Variants in CUL2 observed in about 807,000 individuals in gnomAD.
CUL2 encodes the protein cullin-2.
In CUL2, 22 loss-of-function variants were observed where a neutral mutation model predicts 110.2. The observed-to-expected ratio is 0.20, with a 90% CI of 0.14 to 0.28. The LOEUF is 0.28. Among genes scored for constraint, CUL2 ranks in the 10% least tolerant of loss-of-function variants. The pLI, the probability that CUL2 is intolerant of heterozygous loss-of-function variation, is 1.00. For synonymous variants in CUL2, 279 were observed against 293.2 expected (o/e 0.95, Z 0.49); for missense variants, 631 against 905.5 (o/e 0.70, Z 3.89).
chr10:35,041,993 T>C (rs903201392), intron 8 of CUL2, among the ~76,000 whole-genome samples: 8 of 152,218 alleles, frequency 5.3e-5, no homozygotes, highest in Non-Finnish European at 7.3e-5. Flanking sequence ...ATTATCAATG[T>C]TTTTAAATTG....
intron 9 of CUL2, among the ~76,000 whole-genome samples, chr10:35,038,212 T>C (rs1445160149): frequency 1.3e-5 from 2 of 151,166 alleles, no homozygotes; most frequent in African/African-American, 4.9e-5. Context: ...ATAAAAGTAA[T>C]GCATGTTTTT....
At position 35,010,226 on chromosome 10, in the gene CUL2, GA is replaced by G; in HGVS notation, c.*84del. On this transcript the variant is annotated 3_prime_UTR_variant, in exon 21 of 21. Coordinates refer to ENST00000374749, the MANE Select transcript of CUL2 (RefSeq NM_003591.4). The stretch of plus-strand genomic sequence containing the variant: ...GGGGCTGCCAAATGACCAAATTATG[GA>G]GGCACAGTCCTGCTTTTTCCCACAG... 7.3e-7 allele frequency: 1 copy of G among 1,370,884 alleles called. No individual in the cohort carries two copies. Among genetic ancestry groups the G allele is most frequent in the Non-Finnish European group, 9.6e-7 (1 of 1,046,016 alleles). 84.9% of individuals were successfully genotyped at this position (1,370,884 alleles called of 1,614,324 possible). A position where few individuals can be genotyped will look rare whatever the true frequency, so the allele number is the denominator to read the frequency against.
chr10:35,065,608 G>T (rs1391175449), intron 2 of CUL2, among the ~76,000 whole-genome samples: 3 of 151,210 alleles, frequency 2.0e-5, no homozygotes, highest in Admixed American at 2.0e-4. Flanking sequence ...TACAGAGCGA[G>T]ACTCCATCTC....
At chr10:35,037,591 A>G (rs12263550) in intron 9 of CUL2, among the ~76,000 whole-genome samples, 4,510 of 152,266 alleles carry the variant, frequency 0.03, 220 homozygotes, top group African/African-American at 0.1. Flanking sequence ...CGTGTCTATA[A>G]TCCCAGCACT....
intron 17 of CUL2, among the ~76,000 whole-genome samples, chr10:35,018,882 G>C (rs905535614): frequency 1.3e-5 from 2 of 151,558 alleles, no homozygotes; most frequent in Non-Finnish European, 2.9e-5. Flanking sequence ...AGATAAAACT[G>C]ATATTTAGAA....
At chr10:35,073,967 G>A (rs2135005204) in intron 1 of CUL2, 1 of 691,926 alleles carries the variant, frequency 1.4e-6, no homozygotes, top group East Asian at 2.7e-5. Flanking sequence ...CTTGCTTAAG[G>A]TCACAAAGCT....
At chr10:35,105,660 A>G (rs1001383342) in intron 1 of CUL2, among the ~76,000 whole-genome samples, 2 of 151,702 alleles carry the variant, frequency 1.3e-5, no homozygotes, top group African/African-American at 4.8e-5. Flanking sequence ...GTGAGCCGAG[A>G]TCACGCCATT....
intron 1 of CUL2, among the ~76,000 whole-genome samples, chr10:35,123,806 G>C (rs2087706224): frequency 1.3e-5 from 2 of 152,224 alleles, no homozygotes; most frequent in African/African-American, 4.8e-5. Context: ...CAGGTGTTTG[G>C]AAATGTGACC....
intron 2 of CUL2, among the ~76,000 whole-genome samples, chr10:35,067,675 G>C (rs554752918): frequency 1.3e-5 from 2 of 151,158 alleles, no homozygotes; most frequent in Non-Finnish European, 3.0e-5. Context: ...ACCCAGGAGG[G>C]GGAGGCTGCA....
intron 1 of CUL2, among the ~76,000 whole-genome samples, chr10:35,105,831 A>G (rs1317636270): frequency 2.0e-5 from 3 of 151,676 alleles, no homozygotes; most frequent in Admixed American, 2.0e-4. Flanking sequence ...GTCCTGAAAA[A>G]AAAAAAAAAA....
intron 1 of CUL2, among the ~76,000 whole-genome samples, chr10:35,101,319 T>TTATAATTGTGGGACA (rs1268428818): frequency 7.9e-5 from 12 of 152,212 alleles, no homozygotes; most frequent in African/African-American, 2.7e-4. Context: ...CAGAACCAGT[T>TTATAATTGTGGGACA]GCTTTCAGCA....
intron 8 of CUL2, among the ~76,000 whole-genome samples, chr10:35,041,871 A>G (rs907605742): frequency 1.3e-5 from 2 of 152,094 alleles, no homozygotes; most frequent in African/African-American, 2.4e-5. Context: ...TTCTTTTCCA[A>G]ACATAATTTA....
chr10:35,055,707 A>T (rs1278910333), intron 4 of CUL2, among the ~76,000 whole-genome samples: 1 of 152,194 alleles, frequency 6.6e-6, no homozygotes, highest in Non-Finnish European at 1.5e-5. Context: ...TTGATATTTT[A>T]GTGTCCTCTG....
chr10:35,017,935 G>C lies in CUL2; in HGVS notation c.1685-1541C>G, dbSNP rs564196547. ...ATCAAAGAGCTGCTTCCTAAAGCAC[G>C]AAGTTGTGGTTTGACGACTAACACA... On this transcript the variant is annotated intron_variant, in intron 17 of 20. Transcript: ENST00000374749. 8.5e-4 allele frequency among the ~76,000 whole-genome samples: 128 copies of C among 151,028 alleles called. 1 individual carries two copies. The highest frequency in any genetic ancestry group is 5.0e-3 in the South Asian group (24 of 4,762).
intron 16 of CUL2, among the ~76,000 whole-genome samples, chr10:35,026,232 T>C (rs542563267): frequency 1.5e-4 from 23 of 152,328 alleles, no homozygotes; most frequent in African/African-American, 5.5e-4. Flanking sequence ...AGGAGATGAC[T>C]AGCACCTGGA....
chr10:35,016,098 A>G (rs1383027378), intron 18 of CUL2, 94 bp downstream of exon 18: 29 of 1,042,508 alleles, frequency 2.8e-5, no homozygotes, highest in Admixed American at 4.4e-5. Context: ...CCAGAGCACA[A>G]TAACAATTAC....
At chr10:35,060,841 C>T in intron 4 of CUL2, 33 bp downstream of exon 4, 1 of 1,560,452 alleles carries the variant, frequency 6.4e-7, no homozygotes, top group Non-Finnish European at 8.7e-7. Flanking sequence ...GGCAACGCTG[C>T]TTAGCTTGTC....
At chr10:35,072,795 C>T (rs1269721031) in intron 1 of CUL2, among the ~76,000 whole-genome samples, 1 of 152,172 alleles carries the variant, frequency 6.6e-6, no homozygotes, top group East Asian at 1.9e-4. Flanking sequence ...TGTAATTGCT[C>T]AAAGGAACAT....
chr10:35,071,808 C>T (rs1444998657), intron 1 of CUL2, among the ~76,000 whole-genome samples: 1 of 152,206 alleles, frequency 6.6e-6, no homozygotes, highest in African/African-American at 2.4e-5. Flanking sequence ...ACCATCTTTT[C>T]ATGACTATCC....
Sources: allele counts gnomAD v4.1 joint callset (sites outside exome capture counted in the v4.1 genomes callset), GRCh38; gene constraint gnomAD v4.1.1; transcripts MANE v1.5; gene names NCBI Gene and HGNC (gene_info 2026-07-23, HGNC 2026-07-21).